The following NOL4 variants were observed in gnomAD, a reference collection of about 807,000 sequenced individuals.
The protein encoded by NOL4 is nucleolar protein 4.
A neutral mutation model predicts 75.9 loss-of-function variants in NOL4; 17 were observed. That is an observed-to-expected ratio of 0.22 (90% CI 0.15 to 0.34). The LOEUF (loss-of-function observed/expected upper bound fraction) is 0.34, where lower values mean the gene tolerates loss of function less well. Among genes scored for constraint, NOL4 ranks in the 10% least tolerant of loss-of-function variants. The pLI, the probability that NOL4 is intolerant of heterozygous loss-of-function variation, is 1.00. For missense variants in NOL4, 614 were observed against 793.5 expected, an observed-to-expected ratio of 0.77 and a Z score of 2.72; for synonymous variants, 292 against 289.9, an observed-to-expected ratio of 1.01 and a Z score of -0.07.
intron 6 of NOL4, among the ~76,000 whole-genome samples, chr18:34,005,625 G>T (rs1230049638): frequency 6.6e-6 from 1 of 152,030 alleles, no homozygotes; most frequent in African/African-American, 2.4e-5. Context: ...GTCCTCTGGA[G>T]AATGATCTCC....
chr18:34,221,941 T>C lies in NOL4; in HGVS notation c.264+1049A>G, dbSNP rs145884374. On this transcript the variant is annotated intron_variant, in intron 1 of 10. Coordinates refer to ENST00000261592, the MANE Select transcript of NOL4 (RefSeq NM_003787.5). ...CAGGAGGGGGGAAAGGAAGAAATGC[T>C]CAAGAAACCCCAAAGCGAGGCAAAA... The C allele has an allele frequency of 6.0e-4, 736 of 1,230,936 alleles. 5 individuals carry two copies. In the East Asian group the frequency reaches 0.014, roughly 23 times the overall value. The allele number at this position is 1,230,936 out of a possible 1,614,324, so 76.3% of individuals were successfully genotyped here.
At chr18:33,945,128 ATCTTTTGTT>A (rs544181042) in intron 8 of NOL4, among the ~76,000 whole-genome samples, 331 of 152,014 alleles carry the variant, frequency 2.2e-3, no homozygotes, top group Middle Eastern at 6.8e-3. Context: ...ACATTATTAG[ATCTTTTGTT>A]TCCAGGGATG....
chr18:34,161,205 T>C (rs1156232393), intron 1 of NOL4, among the ~76,000 whole-genome samples: 2 of 152,164 alleles, frequency 1.3e-5, no homozygotes, highest in Admixed American at 1.3e-4. Flanking sequence ...ATATTTTCTT[T>C]ATCCATCTGT....
chr18:34,049,627 G>A (rs796830634), intron 5 of NOL4, among the ~76,000 whole-genome samples: 25 of 152,118 alleles, frequency 1.6e-4, no homozygotes, highest in African/African-American at 5.8e-4. Flanking sequence ...GGAGTCATCT[G>A]ACCTGTCCTC....
intron 10 of NOL4, among the ~76,000 whole-genome samples, chr18:33,873,959 G>T (rs1287445526): frequency 6.6e-6 from 1 of 151,894 alleles, no homozygotes. Context: ...GCAAGGGAGG[G>T]TATCTCTGCA....
At position 34,129,909 on chromosome 18, in the gene NOL4, T is replaced by C. The variant is rs1410299378; in HGVS notation, c.376A>G (p.Ile126Val). The change falls in exon 2 of 11, where the codon ATT becomes GTT. Residue 126 changes from isoleucine to valine, a missense_variant. Ile to Val is a conservative substitution (Grantham distance 29, BLOSUM62 3). This residue lies in a region of NOL4 where 135 missense variants were observed against 220.4 expected (regional missense o/e 0.61). Coordinates refer to ENST00000261592, the MANE Select transcript of NOL4 (RefSeq NM_003787.5). ...HVETGPNGEQ[I>V]RKHAGQKRTY... ...CTCTTTTGTCCAGCGTGTTTCCGAA[T>C]TTGTTCTCCATTTGGCCCCGTTTCC... 1 of 1,596,728 alleles carries C rather than the reference T, an allele frequency of 6.3e-7. No individual in the cohort carries two copies. Among genetic ancestry groups the C allele is most frequent in the Non-Finnish European group, 8.5e-7 (1 of 1,170,992 alleles).
At chr18:34,014,310 C>G (rs1444990271) in intron 6 of NOL4, among the ~76,000 whole-genome samples, 1 of 151,676 alleles carries the variant, frequency 6.6e-6, no homozygotes. Context: ...AACTGAGACC[C>G]AAATATGCAG....
Position 33,947,773 on chromosome 18 carries a change from C to T in NOL4, c.1429-4595G>A, listed in dbSNP as rs115193969. On this transcript the variant is annotated intron_variant, in intron 8 of 10. Coordinates refer to ENST00000261592, the MANE Select transcript of NOL4 (RefSeq NM_003787.5). ...ACTGGGATCTGAGTTGATCTTTCTC[C>T]AGCACTGTTCTTATTGTAATAATTA... 7.5e-3 allele frequency among the ~76,000 whole-genome samples: 1,138 copies of T among 151,864 alleles called. 11 individuals are homozygous for T. Among genetic ancestry groups the T allele is most frequent in the African/African-American group, 0.025 (1,049 of 41,454 alleles).
intron 9 of NOL4, among the ~76,000 whole-genome samples, chr18:33,940,380 A>G (rs2068386522): frequency 1.3e-5 from 2 of 152,098 alleles, no homozygotes; most frequent in Admixed American, 1.3e-4. Flanking sequence ...ATATAAAAGG[A>G]TGAGTTCATG....
intron 1 of NOL4, among the ~76,000 whole-genome samples, chr18:34,190,803 A>G (rs2034856171): frequency 1.3e-5 from 2 of 151,880 alleles, no homozygotes; most frequent in African/African-American, 4.8e-5. Flanking sequence ...TTCACACTCC[A>G]AAAAAGTACA....
intron 6 of NOL4, among the ~76,000 whole-genome samples, chr18:33,996,131 T>C (rs2073265788): frequency 6.6e-6 from 1 of 151,770 alleles, no homozygotes; most frequent in Non-Finnish European, 1.5e-5. Context: ...TCTCACTATT[T>C]CTATTCAAAA....
intron 5 of NOL4, among the ~76,000 whole-genome samples, chr18:34,091,195 C>CAA (rs56398038): frequency 1.6e-5 from 2 of 122,740 alleles, no homozygotes; most frequent in East Asian, 2.5e-4. Flanking sequence ...ACTAAAAATA[C>CAA]AAAAAAAAAA....
At chr18:34,092,007 A>C (rs1328553488) in intron 5 of NOL4, among the ~76,000 whole-genome samples, 1 of 152,162 alleles carries the variant, frequency 6.6e-6, no homozygotes, top group Admixed American at 6.6e-5. Context: ...ATGAATTTGC[A>C]TGATGAGAGA....
intron 6 of NOL4, among the ~76,000 whole-genome samples, chr18:33,991,699 A>G (rs928593966): frequency 6.6e-6 from 1 of 152,034 alleles, no homozygotes; most frequent in Non-Finnish European, 1.5e-5. Context: ...ACCAATTTAA[A>G]TTTAAATCAG....
intron 5 of NOL4, among the ~76,000 whole-genome samples, chr18:34,064,066 A>G (rs1202759802): frequency 6.6e-6 from 1 of 152,066 alleles, no homozygotes; most frequent in East Asian, 1.9e-4. Flanking sequence ...TGAGACTACA[A>G]AGACCATCAT....
intron 1 of NOL4, among the ~76,000 whole-genome samples, chr18:34,217,210 T>C (rs1362856405): frequency 6.6e-6 from 1 of 152,204 alleles, no homozygotes; most frequent in East Asian, 1.9e-4. Context: ...AAAAATGGAG[T>C]AGGTAGAATA....
At chr18:33,881,609 C>G (rs1020227944) in intron 10 of NOL4, among the ~76,000 whole-genome samples, 1 of 151,576 alleles carries the variant, frequency 6.6e-6, no homozygotes, top group African/African-American at 2.4e-5. Flanking sequence ...GAATCAATAT[C>G]GTGAAAATGG....
chr18:34,219,639 C>T (rs1488825218), intron 1 of NOL4, among the ~76,000 whole-genome samples: 5 of 152,240 alleles, frequency 3.3e-5, no homozygotes, highest in Non-Finnish European at 7.3e-5. Context: ...TGGATGTAAT[C>T]AATGTCAACC....
rs559996675 is a variant in NOL4 at position 34,037,571 on chromosome 18, G to A, written c.773-17970C>T. On this transcript the variant is annotated intron_variant, in intron 5 of 10. Transcript: ENST00000261592. ...GTATTGTTATTAAAATAAACACATA[G>A]ACTAATGGAACAGAATAGGGAACCC... Among the ~76,000 whole-genome samples the A allele has an allele frequency of 2.6e-4, 39 of 152,080 alleles. No homozygotes were observed. The South Asian group carries it at 7.9e-3, about 31-fold the overall frequency.
Sources: allele counts gnomAD v4.1 joint callset (sites outside exome capture counted in the v4.1 genomes callset), GRCh38; gene constraint gnomAD v4.1.1; regional missense constraint gnomAD v4.1.1; transcripts MANE v1.5; gene names NCBI Gene and HGNC (gene_info 2026-07-23, HGNC 2026-07-21).